SLC33A1: variants seen among roughly 807,000 people sequenced by gnomAD.
SLC33A1 encodes the protein solute carrier family 33 member 1, also known as acetyl-coenzyme A transporter 1.
In SLC33A1, 20 loss-of-function variants were observed where a neutral mutation model predicts 50.0. That is an observed-to-expected ratio of 0.40 (90% confidence interval 0.28 to 0.58). The LOEUF (loss-of-function observed/expected upper bound fraction) is 0.58. Ranked by LOEUF, SLC33A1 falls within the 20% of genes least tolerant of loss-of-function variation. SLC33A1 has a pLI of 0.44. For synonymous variants in SLC33A1, 265 were observed against 251.8 expected, an observed-to-expected ratio of 1.05 and a Z score of -0.50; for missense variants, 476 against 657.0, an observed-to-expected ratio of 0.72 and a Z score of 3.01.
At chr3:155,849,854 G>A (rs1414770836) in intron 1 of SLC33A1, among the ~76,000 whole-genome samples, 1 of 149,596 alleles carries the variant, frequency 6.7e-6, no homozygotes, top group Non-Finnish European at 1.5e-5. Flanking sequence ...GTTGCAGTGA[G>A]CTGAGATCAT....
chr3:155,843,627 G>A (rs1036119331), intron 1 of SLC33A1, among the ~76,000 whole-genome samples: 13 of 152,062 alleles, frequency 8.5e-5, no homozygotes, highest in African/African-American at 2.7e-4. Context: ...TGCATACAAC[G>A]TGACAAAAAT....
chr3:155,829,563 A>G (rs1752326890), intron 5 of SLC33A1, 125 bp downstream of exon 5: 1 of 720,510 alleles, frequency 1.4e-6, no homozygotes, highest in South Asian at 1.7e-5. Context: ...ATATATGTAG[A>G]TTTCTAAACC....
Position 155,831,374 on chromosome 3 carries a change from T to A in SLC33A1, c.1267-1471A>T, listed in dbSNP as rs1380212630. On this transcript the variant is annotated intron_variant, in intron 4 of 5. Coordinates refer to ENST00000643144, the MANE Select transcript of SLC33A1 (RefSeq NM_004733.4). ...GGGAGGCAGAAGCAGGAGAATCACT[T>A]GAACCCGGGAGGTGGAGGTATCACA... Among the ~76,000 whole-genome samples the A allele has an allele frequency of 2.1e-5, 3 of 142,128 alleles. No homozygotes were observed. In the East Asian group the frequency reaches 6.5e-4, roughly 31 times the overall value. 93.2% of individuals were successfully genotyped at this position (142,128 alleles called of 152,430 possible).
chr3:155,848,227 C>T (rs981252455), intron 1 of SLC33A1, among the ~76,000 whole-genome samples: 2 of 152,200 alleles, frequency 1.3e-5, no homozygotes, highest in African/African-American at 4.8e-5. Context: ...CCTCGAACTC[C>T]TGGCCTCAAA....
chr3:155,846,954 T>C (rs1053399844), intron 1 of SLC33A1, among the ~76,000 whole-genome samples: 1 of 151,016 alleles, frequency 6.6e-6, no homozygotes, highest in African/African-American at 2.4e-5. Context: ...ATGCCTGTAA[T>C]CCCAGCACTT....
Position 155,842,637 on chromosome 3 carries a change from C to A in SLC33A1, c.776-18G>T, listed in dbSNP as rs1452081945. The stretch of plus-strand genomic sequence containing the variant: ...AAGGAAATCTGAAAATGTTTTAAAT[C>A]TATAATTAATTTTTAAAATTACATA... On this transcript the variant is annotated intron_variant, in intron 1 of 5. Coordinates refer to ENST00000643144, the MANE Select transcript of SLC33A1 (RefSeq NM_004733.4). 4 of 1,292,924 alleles carry A rather than the reference C, an allele frequency of 3.1e-6. No individual in the cohort carries two copies. The East Asian group carries it at 7.5e-5, about 24-fold the overall frequency. 80.1% of individuals were successfully genotyped at this position (1,292,924 alleles called of 1,614,324 possible).
Position 155,840,277 on chromosome 3 carries a change from G to A in SLC33A1, c.963+2155C>T, listed in dbSNP as rs1752876187. Among the ~76,000 whole-genome samples the A allele has an allele frequency of 3.3e-5, 5 of 151,590 alleles. No individual in the cohort carries two copies. In the South Asian group the frequency reaches 8.4e-4, roughly 25 times the overall value. ...TAATTTTTGTATTTTTAGTAAAGAC[G>A]GGGTTTCACCATGTTGGCCAGGCTG... On this transcript the variant is annotated intron_variant, in intron 2 of 5. Transcript: ENST00000643144.
chr3:155,822,509 AGCAGGCAGAG>A lies in SLC33A1; in HGVS notation c.*5691_*5700del, dbSNP rs1349236891. 6 of 150,084 alleles carry A rather than the reference AGCAGGCAGAG, an allele frequency of 4.0e-5. No homozygotes were observed. Among genetic ancestry groups the A allele is most frequent in the Non-Finnish European group, 7.4e-5 (5 of 67,800 alleles). The allele number at this position is 150,084 out of a possible 1,614,324, so 9.3% of individuals were successfully genotyped here. ...TGAGGAAGGAGAATCACTTGAACCC[AGCAGGCAGAG>A]GGTGCAGGGAGTCATGCCACTGCAC... On this transcript the variant is annotated 3_prime_UTR_variant, in exon 6 of 6. Coordinates refer to ENST00000643144, the MANE Select transcript of SLC33A1 (RefSeq NM_004733.4).
chr3:155,854,015 G>A lies in SLC33A1; in HGVS notation c.-18C>T, dbSNP rs755366107. On this transcript the variant is annotated 5_prime_UTR_variant, in exon 1 of 6. Coordinates refer to ENST00000643144, the MANE Select transcript of SLC33A1 (RefSeq NM_004733.4). ...GGTGACATATCAGAGACGATGCAGA[G>A]CCCCGTCTGTGGGGGGCCGAGGCTG... 2 of 1,533,192 alleles carry A rather than the reference G, an allele frequency of 1.3e-6. No individual in the cohort carries two copies. Among genetic ancestry groups the A allele is most frequent in the Admixed American group, 2.2e-5 (1 of 44,948 alleles). The allele number at this position is 1,533,192 out of a possible 1,614,324, so 95.0% of individuals were successfully genotyped here.
In SLC33A1 at chr3:155,828,324, C is replaced by T. The variant is rs2109302353; in HGVS notation, c.1536G>A (p.Val512=). Residue 512 remains valine (V), a synonymous_variant, in exon 6 of 6, where the codon GTG becomes GTA. Transcript: ENST00000643144. ...CAATGAAAACACAAATAATGGACTC[C>T]ACATAATAACCATCCAGGGCTGTAA... ...SCVTALDGYY[V]ESIICVFIGF... is the part of the protein sequence containing the mutation. 39 of 1,605,698 alleles carry T rather than the reference C, an allele frequency of 2.4e-5. No homozygotes were observed. The highest frequency in any genetic ancestry group is 3.3e-5 in the Non-Finnish European group (39 of 1,172,488).
chr3:155,829,964 A>G (rs1453865945), intron 4 of SLC33A1, 61 bp from the exon 5 acceptor site: 1 of 1,066,718 alleles, frequency 9.4e-7, no homozygotes, highest in African/African-American at 1.6e-5. Flanking sequence ...TACAGTCTAA[A>G]TTAAGAACAT....
chr3:155,831,457 CAAAAAAAAAAAAA>C (rs397991448), intron 4 of SLC33A1, among the ~76,000 whole-genome samples: 173 of 46,726 alleles, frequency 3.7e-3, no homozygotes, highest in Middle Eastern at 0.023. Context: ...GACTCTGTCT[CAAAAAAAAAAAAA>C]AAAAAAAAAA....
At chr3:155,852,764 G>A (rs1188972678) in intron 1 of SLC33A1, among the ~76,000 whole-genome samples, 1 of 152,140 alleles carries the variant, frequency 6.6e-6, no homozygotes, top group African/African-American at 2.4e-5. Flanking sequence ...TTAGAATCCC[G>A]TCCCTTAGCT....
rs1327596455 is a variant in SLC33A1 at position 155,825,932 on chromosome 3, A to G, written c.*2278T>C. On this transcript the variant is annotated 3_prime_UTR_variant, in exon 6 of 6. Coordinates refer to ENST00000643144, the MANE Select transcript of SLC33A1 (RefSeq NM_004733.4). ...ATCAATGTATGCAACACAGTTGCAC[A>G]TAGCTATTAACAAGTTATTTTGACA... 1.3e-5 allele frequency: 2 copies of G among 152,262 alleles called. No homozygotes were observed. The highest frequency in any genetic ancestry group is 2.9e-5 in the Non-Finnish European group (2 of 68,046). The allele number at this position is 152,262 out of a possible 1,614,324, so 9.4% of individuals were successfully genotyped here.
chr3:155,838,956 C>T (rs1290440160), intron 2 of SLC33A1, among the ~76,000 whole-genome samples: 1 of 151,788 alleles, frequency 6.6e-6, no homozygotes, highest in Non-Finnish European at 1.5e-5. Flanking sequence ...AGTTCAAGAC[C>T]AGCCTGGCCA....
chr3:155,827,316 T>A lies in SLC33A1; in HGVS notation c.*894A>T, dbSNP rs763251505. ...TTTACTGTTTTTTTCTCTCAGCAAT[T>A]AAAAAAAAACTACTTGAAGAAAAAC... On this transcript the variant is annotated 3_prime_UTR_variant, in exon 6 of 6. Transcript: ENST00000643144. 3 of 151,396 alleles carry A rather than the reference T, an allele frequency of 2.0e-5. No homozygotes were observed. Among genetic ancestry groups the A allele is most frequent in the Admixed American group, 1.3e-4 (2 of 15,174 alleles). 9.4% of individuals were successfully genotyped at this position (151,396 alleles called of 1,614,324 possible).
intron 1 of SLC33A1, among the ~76,000 whole-genome samples, chr3:155,843,956 T>C (rs1753023085): frequency 6.6e-6 from 1 of 152,228 alleles, no homozygotes; most frequent in Admixed American, 6.5e-5. Context: ...TCAAACATTC[T>C]AGACTTGTGC....
intron 4 of SLC33A1, among the ~76,000 whole-genome samples, chr3:155,832,723 C>CAAAAAA (rs11303771): frequency 7.8e-4 from 22 of 28,058 alleles, no homozygotes; most frequent in South Asian, 3.9e-3. Flanking sequence ...GACTCTGTCT[C>CAAAAAA]AAAAAAAAAA....
At chr3:155,838,006 A>G (rs1752759857) in intron 2 of SLC33A1, among the ~76,000 whole-genome samples, 1 of 152,170 alleles carries the variant, frequency 6.6e-6, no homozygotes, top group South Asian at 2.1e-4. Flanking sequence ...TTGCCTGCTT[A>G]ATAATCTATT....
Sources: gnomAD v4.1 joint callset for allele counts (sites outside exome capture counted in the v4.1 genomes callset) on GRCh38, gnomAD v4.1.1 for gene constraint, MANE v1.5 for transcripts, NCBI Gene and HGNC (gene_info 2026-07-23, HGNC 2026-07-21) for gene names.